The following UBL3 variants were observed in gnomAD, a reference collection of about 807,000 sequenced individuals.
The protein encoded by UBL3 is ubiquitin-like protein 3.
A neutral mutation model predicts 18.4 loss-of-function variants in UBL3; 6 were observed. The ratio of observed to expected loss-of-function variants is 0.33; its 90% CI spans 0.18 to 0.64. The LOEUF is 0.64. Ranked by LOEUF, UBL3 falls within the 30% of genes least tolerant of loss-of-function variation. The pLI, the probability that UBL3 is intolerant of heterozygous loss-of-function variation, is 0.76. For missense variants in UBL3, 109 were observed against 142.9 expected (o/e 0.76, Z 1.21); for synonymous variants, 49 against 46.6 (o/e 1.05, Z -0.21).
At chr13:29,781,516 C>T (rs1267904566) in intron 1 of UBL3, among the ~76,000 whole-genome samples, 2 of 151,820 alleles carry the variant, frequency 1.3e-5, no homozygotes, top group Non-Finnish European at 2.9e-5. Context: ...TATGGGCTTT[C>T]AAAGAAATAT....
intron 1 of UBL3, among the ~76,000 whole-genome samples, chr13:29,848,930 A>G (rs1461556060): frequency 3.3e-5 from 5 of 152,232 alleles, no homozygotes; most frequent in Non-Finnish European, 5.9e-5. Flanking sequence ...GTAAGTACCA[A>G]TACAGGGTCA....
In UBL3 at chr13:29,789,465, T is replaced by C. The variant is rs560014028; in HGVS notation, c.28-12202A>G. 7.9e-5 allele frequency among the ~76,000 whole-genome samples: 12 copies of C among 152,372 alleles called. No individual in the cohort carries two copies. The South Asian group carries it at 1.0e-3, about 13-fold the overall frequency. On this transcript the variant is annotated intron_variant, in intron 1 of 4. Transcript: ENST00000380680. ...AAATCTCTAAGAGGGAGGAGAGCTA[T>C]ACCTGTATTATTAGTGTGTTCAAGA... is the stretch of plus-strand genomic sequence containing the variant.
chr13:29,799,673 A>C (rs567033337), intron 1 of UBL3, among the ~76,000 whole-genome samples: 5 of 152,206 alleles, frequency 3.3e-5, no homozygotes, highest in African/African-American at 1.2e-4. Context: ...GGAAAAAAAG[A>C]GTCAAATCCT....
At chr13:29,813,205 AATCAG>A (rs916706595) in intron 1 of UBL3, among the ~76,000 whole-genome samples, 4 of 152,056 alleles carry the variant, frequency 2.6e-5, no homozygotes, top group African/African-American at 9.7e-5. Context: ...TCTTATTATC[AATCAG>A]ATATCTCCCT....
chr13:29,817,491 G>A (rs1878315462), intron 1 of UBL3, among the ~76,000 whole-genome samples: 3 of 152,150 alleles, frequency 2.0e-5, no homozygotes, highest in East Asian at 3.8e-4. Context: ...CGGCTGAGGT[G>A]ATGGAAATAA....
At chr13:29,778,502 T>C (rs898436136) in intron 1 of UBL3, among the ~76,000 whole-genome samples, 7 of 152,214 alleles carry the variant, frequency 4.6e-5, no homozygotes, top group African/African-American at 9.6e-5. Flanking sequence ...GGTAAGGCCA[T>C]CTAGCCTAGT....
chr13:29,844,541 T>C (rs1879184137), intron 1 of UBL3, among the ~76,000 whole-genome samples: 1 of 152,182 alleles, frequency 6.6e-6, no homozygotes, highest in Non-Finnish European at 1.5e-5. Context: ...GCATAGTATA[T>C]TTCATTTAAG....
chr13:29,807,308 A>AT (rs2139337844), intron 1 of UBL3, among the ~76,000 whole-genome samples: 1 of 152,304 alleles, frequency 6.6e-6, no homozygotes, highest in Non-Finnish European at 1.5e-5. Context: ...AAACTAGCTG[A>AT]CTATATAATC....
At chr13:29,781,113 TGCA>T (rs1293288429) in intron 1 of UBL3, among the ~76,000 whole-genome samples, 1 of 150,756 alleles carries the variant, frequency 6.6e-6, no homozygotes. Context: ...AGGCAGAGGT[TGCA>T]GTGAGCCGAG....
intron 1 of UBL3, among the ~76,000 whole-genome samples, chr13:29,800,083 A>C (rs955543379): frequency 6.6e-6 from 1 of 152,258 alleles, no homozygotes; most frequent in African/African-American, 2.4e-5. Flanking sequence ...GTTTATTTTA[A>C]AATCCAATTG....
At chr13:29,847,423 C>G (rs1879256987) in intron 1 of UBL3, among the ~76,000 whole-genome samples, 1 of 152,226 alleles carries the variant, frequency 6.6e-6, no homozygotes, top group African/African-American at 2.4e-5. Context: ...AACATCCAGT[C>G]TCAAACAGAT....
intron 1 of UBL3, among the ~76,000 whole-genome samples, chr13:29,848,758 TAAACA>T (rs1879291646): frequency 6.6e-6 from 1 of 152,206 alleles, no homozygotes; most frequent in African/African-American, 2.4e-5. Flanking sequence ...TTACCCTTTA[TAAACA>T]AAACAAAGAA....
At chr13:29,767,546 A>G in intron 4 of UBL3, 72 bp downstream of exon 4, 1 of 1,533,340 alleles carries the variant, frequency 6.5e-7, no homozygotes, top group South Asian at 1.1e-5. Context: ...CAGCATATCC[A>G]AGAAAAACCT....
intron 1 of UBL3, among the ~76,000 whole-genome samples, chr13:29,831,593 G>GA (rs375371538): frequency 0.029 from 1,774 of 61,390 alleles, 18 homozygotes; most frequent in African/African-American, 0.073. Flanking sequence ...CGTCTCAAAA[G>GA]AAAAAAAAAA....
At chr13:29,818,434 A>G (rs943503187) in intron 1 of UBL3, among the ~76,000 whole-genome samples, 4 of 152,218 alleles carry the variant, frequency 2.6e-5, no homozygotes, top group Non-Finnish European at 4.4e-5. Context: ...TCACTTGATC[A>G]GAAGTACACA....
chr13:29,814,803 T>G (rs1367280830), intron 1 of UBL3, among the ~76,000 whole-genome samples: 1 of 152,136 alleles, frequency 6.6e-6, no homozygotes, highest in Non-Finnish European at 1.5e-5. Context: ...TTACCAGAAT[T>G]AATTAAATTT....
intron 1 of UBL3, among the ~76,000 whole-genome samples, chr13:29,823,935 C>T (rs1878547791): frequency 6.7e-6 from 1 of 148,712 alleles, no homozygotes; most frequent in Admixed American, 6.7e-5. Flanking sequence ...TCAATTCCCA[C>T]CTATGAGTGA....
At chr13:29,772,357 G>A (rs1368071500) in intron 2 of UBL3, among the ~76,000 whole-genome samples, 159 bp from the exon 3 acceptor site, 1 of 151,970 alleles carries the variant, frequency 6.6e-6, no homozygotes, top group Non-Finnish European at 1.5e-5. Flanking sequence ...TACATTTACC[G>A]CAACCTTGGT....
intron 2 of UBL3, among the ~76,000 whole-genome samples, chr13:29,774,543 C>A (rs1215427865): frequency 2.6e-5 from 4 of 151,982 alleles, no homozygotes; most frequent in Non-Finnish European, 5.9e-5. Flanking sequence ...TCTTAGATCC[C>A]AAATATCTTT....
Sources: allele counts gnomAD v4.1 joint callset (sites outside exome capture counted in the v4.1 genomes callset), GRCh38; gene constraint gnomAD v4.1.1; transcripts MANE v1.5; gene names NCBI Gene and HGNC (gene_info 2026-07-23, HGNC 2026-07-21).